The following NTRK3 variants were observed in gnomAD, a reference collection of about 807,000 sequenced individuals.
The protein encoded by NTRK3 is neurotrophic receptor tyrosine kinase 3, also known as NT-3 growth factor receptor.
A neutral mutation model predicts 91.7 loss-of-function variants in NTRK3; 24 were observed. The ratio of observed to expected loss-of-function variants is 0.26; its 90% CI spans 0.19 to 0.37. The LOEUF is 0.37. NTRK3 is among the 10% of genes least tolerant of loss of function. The pLI is 1.00. For synonymous variants in NTRK3, 483 were observed against 404.0 expected (o/e 1.20, Z -2.34); for missense variants, 880 against 1,068.9 (o/e 0.82, Z 2.46).
intron 14 of NTRK3, among the ~76,000 whole-genome samples, chr15:88,030,773 A>C (rs1435929989): frequency 6.6e-6 from 1 of 152,166 alleles, no homozygotes; most frequent in African/African-American, 2.4e-5. Context: ...CTTTTTAAAA[A>C]AAAATCATTT....
chr15:88,025,991 G>A (rs1024115787), intron 14 of NTRK3, among the ~76,000 whole-genome samples: 1 of 152,254 alleles, frequency 6.6e-6, no homozygotes, highest in African/African-American at 2.4e-5. Context: ...GAGCTATCAG[G>A]CCAGGCACGG....
intron 17 of NTRK3, among the ~76,000 whole-genome samples, chr15:87,886,697 T>TATATATATATATATATATATATAC (rs1335887821): frequency 2.1e-3 from 284 of 135,704 alleles, no homozygotes; most frequent in African/African-American, 6.7e-3. Flanking sequence ...TATATATATA[T>TATATATATATATATATATATATAC]ATACATATAT....
At chr15:87,909,958 C>T (rs1265893748) in intron 17 of NTRK3, among the ~76,000 whole-genome samples, 1 of 152,138 alleles carries the variant, frequency 6.6e-6, no homozygotes, top group Non-Finnish European at 1.5e-5. Context: ...GTTGAAGCCC[C>T]CAGTCTGTGG....
rs374768706 is a variant in NTRK3 at position 88,234,840 on chromosome 15, C to G, written c.248+21066G>C. Among the ~76,000 whole-genome samples the G allele has an allele frequency of 1.3e-5, 2 of 152,136 alleles. No homozygotes were observed. Among genetic ancestry groups the G allele is most frequent in the African/African-American group, 2.4e-5 (1 of 41,416 alleles). On this transcript the variant is annotated intron_variant, in intron 3 of 18. Coordinates refer to ENST00000394480, the Ensembl canonical transcript of NTRK3. This position sits in a 1 kb window ranked among gnomAD's most constrained non-coding sequence, Gnocchi z 6.1. ...CCTGCTTGATCTAGTCCCTGCAGACCTCTCCAACCTCCCACTCCCACCAGC... is the reference window on the plus strand; with the variant it reads ...CCTGCTTGATCTAGTCCCTGCAGACGTCTCCAACCTCCCACTCCCACCAGC...
chr15:87,901,394 A>G (rs2066444903), intron 17 of NTRK3, among the ~76,000 whole-genome samples: 1 of 152,196 alleles, frequency 6.6e-6, no homozygotes, highest in South Asian at 2.1e-4. Context: ...CGAAACTGGG[A>G]TGAAGTATCT....
In NTRK3 at chr15:87,867,719, G is replaced by GA. The variant is rs1376618986; in HGVS notation, c.*9215dup. ...ACGTTCTAATTCAATTTGAGTGTCT[G>GA]AGCTTCATATCTGACTACTTGTTTC... is the stretch of plus-strand genomic sequence containing the variant. On this transcript the variant is annotated 3_prime_UTR_variant, in exon 19 of 19. Transcript: ENST00000394480. 31 of 228,898 alleles carry GA rather than the reference G, an allele frequency of 1.4e-4. No homozygotes were observed. The Admixed American group carries it at 1.4e-3, about 10-fold the overall frequency. The allele number at this position is 228,898 out of a possible 1,614,324, so 14.2% of individuals were successfully genotyped here.
At chr15:87,906,329 C>A (rs1339176918) in intron 17 of NTRK3, among the ~76,000 whole-genome samples, 1 of 152,192 alleles carries the variant, frequency 6.6e-6, no homozygotes, top group African/African-American at 2.4e-5. Context: ...CCTTCCGTTA[C>A]CCCACAGAAA....
intron 14 of NTRK3, chr15:87,979,155 C>T (rs2073981719): frequency 4.7e-6 from 3 of 632,690 alleles, no homozygotes; most frequent in Non-Finnish European, 8.4e-6. Flanking sequence ...AGGGAAGGGG[C>T]AACCCTGCCA....
At chr15:88,062,024 C>G (rs2046266300) in intron 13 of NTRK3, among the ~76,000 whole-genome samples, 1 of 152,114 alleles carries the variant, frequency 6.6e-6, no homozygotes, top group Non-Finnish European at 1.5e-5. Context: ...AAAAATCATA[C>G]AAATTTTTTA....
chr15:88,147,568 A>T (rs942623033), intron 5 of NTRK3, among the ~76,000 whole-genome samples, 165 bp from the exon 6 acceptor site: 2 of 150,064 alleles, frequency 1.3e-5, no homozygotes, highest in East Asian at 3.9e-4. Context: ...CTGTTAGGCT[A>T]GCGATACATC....
chr15:88,133,222 C>G (rs1426995549), intron 10 of NTRK3, among the ~76,000 whole-genome samples: 1 of 152,136 alleles, frequency 6.6e-6, no homozygotes, highest in Non-Finnish European at 1.5e-5. Context: ...CAGAGACTAA[C>G]AGAAGGGGCT....
At chr15:88,183,487 G>A in exon 5 of NTRK3, 2 of 1,614,056 alleles carry the variant, frequency 1.2e-6, no homozygotes, top group Non-Finnish European at 1.7e-6. Flanking sequence ...GTTCTTGATG[G>A]TCCTAGACAG....
At chr15:88,251,579 C>T (rs551686827) in intron 3 of NTRK3, among the ~76,000 whole-genome samples, 3 of 152,250 alleles carry the variant, frequency 2.0e-5, no homozygotes, top group Non-Finnish European at 4.4e-5. Context: ...GGATGGGGAC[C>T]CAGGCCACAG....
intron 14 of NTRK3, among the ~76,000 whole-genome samples, chr15:88,029,233 A>T (rs1294868029): frequency 6.6e-6 from 1 of 152,220 alleles, no homozygotes; most frequent in Admixed American, 6.5e-5. Context: ...GAATCCCTGG[A>T]AAGGCTAAAT....
intron 5 of NTRK3, among the ~76,000 whole-genome samples, chr15:88,177,155 A>T (rs533251537): frequency 2.8e-4 from 43 of 152,308 alleles, no homozygotes; most frequent in African/African-American, 1.0e-3. Flanking sequence ...AGACAATTAG[A>T]GAGGGAGACA....
chr15:88,094,433 C>T (rs929968395), intron 13 of NTRK3, among the ~76,000 whole-genome samples: 1 of 131,432 alleles, frequency 7.6e-6, no homozygotes, highest in African/African-American at 3.0e-5. Context: ...TGCGCCACTG[C>T]AGTCCGCAGT....
chr15:88,173,144 A>T (rs2045677431), intron 5 of NTRK3, among the ~76,000 whole-genome samples: 1 of 152,196 alleles, frequency 6.6e-6, no homozygotes, highest in East Asian at 1.9e-4. Context: ...ACTCAGTGTT[A>T]TCATGTGCCA....
intron 13 of NTRK3, among the ~76,000 whole-genome samples, chr15:88,048,312 G>A (rs2080446550): frequency 1.3e-5 from 2 of 152,146 alleles, no homozygotes; most frequent in Admixed American, 1.3e-4. Context: ...AACGTTATTG[G>A]ATGAAGGCAA....
intron 17 of NTRK3, among the ~76,000 whole-genome samples, chr15:87,892,604 T>C (rs2065906016): frequency 6.6e-6 from 1 of 152,220 alleles, no homozygotes. Flanking sequence ...GACTTTTTTG[T>C]GCATCACTAA....
Sources: gnomAD v4.1 joint callset for allele counts (sites outside exome capture counted in the v4.1 genomes callset) on GRCh38, gnomAD v4.1.1 for gene constraint, Gnocchi (gnomAD v3.1) non-coding constraint, MANE v1.5 for transcripts, NCBI Gene and HGNC (gene_info 2026-07-23, HGNC 2026-07-21) for gene names.